SH3GL2: variants seen among roughly 807,000 people sequenced by gnomAD.
SH3GL2 encodes the protein SH3 domain containing GRB2 like 2, endophilin A1.
A neutral mutation model predicts 46.0 loss-of-function variants in SH3GL2; 24 were observed. The ratio of observed to expected loss-of-function variants is 0.52; its 90% CI spans 0.38 to 0.73. SH3GL2 has a LOEUF of 0.73. Among genes scored for constraint, SH3GL2 ranks in the 30% least tolerant of loss-of-function variants. The pLI is 0.00. For missense variants in SH3GL2, 413 were observed against 424.2 expected (o/e 0.97, Z 0.23); for synonymous variants, 196 against 147.1 (o/e 1.33, Z -2.40).
At chr9:17,727,023 G>A (rs1456252949) in intron 1 of SH3GL2, among the ~76,000 whole-genome samples, 3 of 152,134 alleles carry the variant, frequency 2.0e-5, no homozygotes, top group Non-Finnish European at 2.9e-5. Context: ...GCTTGTTGCT[G>A]CACTTTTTGT....
chr9:17,622,984 T>TCCTTTCCTTTCCTTTC (rs1186758217), intron 1 of SH3GL2, among the ~76,000 whole-genome samples: 14,984 of 74,798 alleles, frequency 0.2, 1,990 homozygotes, highest in East Asian at 0.35. Context: ...TCGTTTCCTT[T>TCCTTTCCTTTCCTTTC]CGTTTCCTTT....
intron 1 of SH3GL2, among the ~76,000 whole-genome samples, chr9:17,676,950 A>C (rs75990491): frequency 0.013 from 2,045 of 152,122 alleles, 62 homozygotes; most frequent in African/African-American, 0.046. Flanking sequence ...ATATGCCATA[A>C]ATTCCTTCAT....
chr9:17,621,659 A>G (rs1307851002), intron 1 of SH3GL2, among the ~76,000 whole-genome samples: 1 of 152,212 alleles, frequency 6.6e-6, no homozygotes, highest in Admixed American at 6.5e-5. Context: ...TTTTTGTGCC[A>G]AAGCCTGGCT....
chr9:17,617,066 T>C (rs931531436), intron 1 of SH3GL2, among the ~76,000 whole-genome samples: 1 of 152,198 alleles, frequency 6.6e-6, no homozygotes, highest in Non-Finnish European at 1.5e-5. Flanking sequence ...CTAGCATACA[T>C]ACTATAATAT....
intron 1 of SH3GL2, among the ~76,000 whole-genome samples, chr9:17,733,468 C>T (rs966718173): frequency 1.3e-5 from 2 of 151,662 alleles, no homozygotes; most frequent in Non-Finnish European, 2.9e-5. Flanking sequence ...AGTCAGGAAA[C>T]AACAGGTGCT....
chr9:17,681,803 C>T (rs1470353326), intron 1 of SH3GL2, among the ~76,000 whole-genome samples: 1 of 151,982 alleles, frequency 6.6e-6, no homozygotes, highest in Non-Finnish European at 1.5e-5. Context: ...GTAATCTACC[C>T]ATCTGCCAAA....
chr9:17,736,968 A>C, intron 1 of SH3GL2, among the ~76,000 whole-genome samples: 1 of 152,116 alleles, frequency 6.6e-6, no homozygotes, highest in East Asian at 1.9e-4. Context: ...CCCATCAATG[A>C]TAGATTGGAT....
chr9:17,615,068 G>A (rs559289372), intron 1 of SH3GL2, among the ~76,000 whole-genome samples: 49 of 152,244 alleles, frequency 3.2e-4, no homozygotes, highest in Non-Finnish European at 6.3e-4. Flanking sequence ...CCTCCCAACT[G>A]CTGTGGACAC....
At chr9:17,675,553 C>A (rs1435815745) in intron 1 of SH3GL2, among the ~76,000 whole-genome samples, 1 of 152,204 alleles carries the variant, frequency 6.6e-6, no homozygotes, top group Non-Finnish European at 1.5e-5. Context: ...CTTCAAAAGT[C>A]TTTGCTCTGC....
chr9:17,586,796 C>T (rs1818385669), intron 1 of SH3GL2, among the ~76,000 whole-genome samples: 2 of 152,304 alleles, frequency 1.3e-5, no homozygotes, highest in African/African-American at 4.8e-5. Flanking sequence ...CCTCCCATGA[C>T]ACATGGGGAT....
At chr9:17,682,482 T>C (rs1050470124) in intron 1 of SH3GL2, among the ~76,000 whole-genome samples, 10 of 151,936 alleles carry the variant, frequency 6.6e-5, no homozygotes, top group Non-Finnish European at 1.3e-4. Flanking sequence ...CACTACGTGT[T>C]CTGGTAAGTG....
At chr9:17,698,231 C>G (rs923941929) in intron 1 of SH3GL2, among the ~76,000 whole-genome samples, 2 of 152,180 alleles carry the variant, frequency 1.3e-5, no homozygotes, top group Admixed American at 1.3e-4. Context: ...CTTAAGGCCT[C>G]CAGGCTTCAG....
chr9:17,644,309 G>A (rs555749757), intron 1 of SH3GL2, among the ~76,000 whole-genome samples: 46 of 151,514 alleles, frequency 3.0e-4, no homozygotes, highest in African/African-American at 1.0e-3. Flanking sequence ...TTGATTTTTC[G>A]AAGGGTTTTT....
At chr9:17,725,018 G>C (rs939086573) in intron 1 of SH3GL2, among the ~76,000 whole-genome samples, 1 of 152,052 alleles carries the variant, frequency 6.6e-6, no homozygotes, top group Admixed American at 6.6e-5. Flanking sequence ...TCTCTCCTGA[G>C]AGGGTGCAGC....
intron 1 of SH3GL2, among the ~76,000 whole-genome samples, chr9:17,598,517 A>G (rs1375847921): frequency 1.6e-4 from 25 of 152,230 alleles, no homozygotes; most frequent in Non-Finnish European, 2.9e-5. Flanking sequence ...AGGCCTTTGC[A>G]GAGTTGCGGG....
chr9:17,760,445 T>C (rs1017292917), intron 2 of SH3GL2, among the ~76,000 whole-genome samples: 3 of 151,966 alleles, frequency 2.0e-5, no homozygotes, highest in Non-Finnish European at 4.4e-5. Context: ...TATACCGGTA[T>C]ATATTGGTAT....
intron 1 of SH3GL2, among the ~76,000 whole-genome samples, chr9:17,685,390 C>G (rs78943197): frequency 0.04 from 6,115 of 152,124 alleles, 431 homozygotes; most frequent in African/African-American, 0.14. Context: ...CAATAATCTT[C>G]TTAAAGTTGC....
chr9:17,712,198 A>G (rs756755452), intron 1 of SH3GL2, among the ~76,000 whole-genome samples: 4 of 151,820 alleles, frequency 2.6e-5, no homozygotes, highest in Admixed American at 2.6e-4. Flanking sequence ...AATTATTTAC[A>G]TACTGTGGAT....
intron 1 of SH3GL2, among the ~76,000 whole-genome samples, chr9:17,621,612 A>G (rs1198721499): frequency 6.6e-6 from 1 of 152,206 alleles, no homozygotes; most frequent in Non-Finnish European, 1.5e-5. Flanking sequence ...TGTTTAAAGT[A>G]TTGATGTCAG....
Sources: gnomAD v4.1 joint callset for allele counts (sites outside exome capture counted in the v4.1 genomes callset) on GRCh38, gnomAD v4.1.1 for gene constraint, MANE v1.5 for transcripts, NCBI Gene and HGNC (gene_info 2026-07-23, HGNC 2026-07-21) for gene names.